The following ITGB3 variants were observed in gnomAD, a reference collection of about 807,000 sequenced individuals.
ITGB3 encodes the protein integrin beta-3.
A neutral mutation model predicts 85.8 loss-of-function variants in ITGB3; 48 were observed. That is an observed-to-expected ratio of 0.56 (90% CI 0.44 to 0.71). ITGB3 has a LOEUF of 0.71. Ranked by LOEUF, ITGB3 falls within the 30% of genes least tolerant of loss-of-function variation. The pLI is 0.00. For synonymous variants in ITGB3, 363 were observed against 395.6 expected, an observed-to-expected ratio of 0.92 and a Z score of 0.98; for missense variants, 861 against 1,019.1, an observed-to-expected ratio of 0.84 and a Z score of 2.11.
intron 1 of ITGB3, 125 bp downstream of exon 1, chr17:47,254,065 G>C (rs1389272977): frequency 3.5e-6 from 2 of 563,716 alleles, no homozygotes; most frequent in African/African-American, 2.0e-5. Context: ...GAATGCGCGT[G>C]TCCTGGCTGG....
intron 10 of ITGB3, among the ~76,000 whole-genome samples, chr17:47,293,232 A>G (rs1450517928): frequency 6.6e-6 from 1 of 152,092 alleles, no homozygotes; most frequent in Non-Finnish European, 1.5e-5. Context: ...AAGTCCTTCT[A>G]CTCAGCAGGG....
intron 2 of ITGB3, among the ~76,000 whole-genome samples, chr17:47,282,316 C>T (rs970291049): frequency 1.8e-4 from 28 of 152,188 alleles, no homozygotes; most frequent in African/African-American, 6.8e-4. Context: ...TGAAACCCCT[C>T]ACCACCATCT....
Position 47,291,032 on chromosome 17 carries a change from A to G in ITGB3, c.1204A>G (p.Asn402Asp). ...LSLSFNATCL[N>D]NEVIPGLKSC... Reference sequence around the variant, plus strand: ...TCTATCCTTCAATGCCACCTGCCTCAACAATGAGGTCATCCCTGGCCTCAA... The same window carrying G: ...TCTATCCTTCAATGCCACCTGCCTCGACAATGAGGTCATCCCTGGCCTCAA... The change falls in exon 9 of 15, where the codon AAC becomes GAC. Residue 402 changes from asparagine (N) to aspartate (D), a missense_variant. Coordinates refer to ENST00000559488, the MANE Select transcript of ITGB3 (RefSeq NM_000212.3). 1 of 1,614,178 alleles carries G rather than the reference A, an allele frequency of 6.2e-7. No homozygotes were observed. The highest frequency in any genetic ancestry group is 8.5e-7 in the Non-Finnish European group (1 of 1,180,042).
Position 47,300,511 on chromosome 17 carries a change from A to G in ITGB3, c.1947A>G (p.Gly649=). 1 of 1,614,016 alleles carries G rather than the reference A, an allele frequency of 6.2e-7. No homozygotes were observed. The highest frequency in any genetic ancestry group is 1.1e-5 in the South Asian group (1 of 91,072). ...ECVECKKFDR[G]ALHDENTCNR... is the part of the protein sequence containing the mutation. The stretch of plus-strand genomic sequence containing the variant: ...TGGAGTGTAAGAAGTTTGACCGGGG[A>G]GCCCTACATGACGAAAATACCTGCA... The change falls in exon 12 of 15, where the codon GGA becomes GGG. Residue 649 remains glycine, a synonymous_variant. Transcript: ENST00000559488.
intron 1 of ITGB3, among the ~76,000 whole-genome samples, chr17:47,272,246 G>A (rs1346774263): frequency 1.3e-5 from 2 of 151,606 alleles, no homozygotes; most frequent in East Asian, 3.9e-4. Flanking sequence ...AGTAGAGACA[G>A]GGTTTCACTG....
rs1186812287 is a variant in ITGB3, at chr17:47,285,332, C to G, written c.614+637C>G. On this transcript the variant is annotated intron_variant, in intron 4 of 14. Transcript: ENST00000559488. ...TACTTTTTAGTTTTCAAAGTTACGG[C>G]CAGGTGGGGTGACTCACTTCTGTAA... 5.9e-5 allele frequency among the ~76,000 whole-genome samples: 9 copies of G among 152,140 alleles called. No homozygotes were observed. The East Asian group carries it at 1.7e-3, about 29-fold the overall frequency.
At chr17:47,309,133 C>T (rs2065203073) in intron 14 of ITGB3, among the ~76,000 whole-genome samples, 1 of 151,458 alleles carries the variant, frequency 6.6e-6, no homozygotes, top group South Asian at 2.1e-4. Flanking sequence ...ATGCAGCCTC[C>T]ATCTCCTGGG....
chr17:47,266,450 C>T (rs904628076), intron 1 of ITGB3, among the ~76,000 whole-genome samples: 5 of 152,216 alleles, frequency 3.3e-5, no homozygotes, highest in African/African-American at 7.2e-5. Context: ...TTCCTTTGTT[C>T]TTCCATTTTT....
intron 1 of ITGB3, among the ~76,000 whole-genome samples, chr17:47,271,981 C>T (rs1415272119): frequency 3.3e-5 from 5 of 151,608 alleles, no homozygotes; most frequent in Non-Finnish European, 7.4e-5. Context: ...TCTTGAACTC[C>T]TGACCTCAGG....
chr17:47,256,079 TA>T (rs1481588164), intron 1 of ITGB3, among the ~76,000 whole-genome samples: 1 of 152,206 alleles, frequency 6.6e-6, no homozygotes, highest in African/African-American at 2.4e-5. Context: ...TTGCTGTCAT[TA>T]AAAAATTTTC....
intron 10 of ITGB3, among the ~76,000 whole-genome samples, chr17:47,298,333 G>A (rs2065153310): frequency 6.6e-6 from 1 of 151,970 alleles, no homozygotes; most frequent in Non-Finnish European, 1.5e-5. Flanking sequence ...TTTTCTCTAT[G>A]GCATTCATGG....
chr17:47,301,005 C>T (rs1567769154), intron 12 of ITGB3, among the ~76,000 whole-genome samples: 1 of 152,104 alleles, frequency 6.6e-6, no homozygotes, highest in Non-Finnish European at 1.5e-5. Context: ...TATGCAGTGC[C>T]CAAGATTTTG....
chr17:47,264,599 C>A (rs1319302322), intron 1 of ITGB3, among the ~76,000 whole-genome samples: 1 of 152,204 alleles, frequency 6.6e-6, no homozygotes, highest in Non-Finnish European at 1.5e-5. Flanking sequence ...GCCACACTCT[C>A]TACCATGGCC....
chr17:47,267,837 A>C (rs1178723014), intron 1 of ITGB3, among the ~76,000 whole-genome samples: 2 of 152,202 alleles, frequency 1.3e-5, no homozygotes, highest in African/African-American at 2.4e-5. Flanking sequence ...GACTGGGAAA[A>C]GTCCTAAAAA....
chr17:47,274,821 T>G (rs1449526167), intron 2 of ITGB3, among the ~76,000 whole-genome samples: 1 of 152,190 alleles, frequency 6.6e-6, no homozygotes, highest in Non-Finnish European at 1.5e-5. Flanking sequence ...TTATTTTAAA[T>G]TTTTTGGTAG....
chr17:47,272,762 CCTTT>C (rs1269595224), intron 1 of ITGB3, among the ~76,000 whole-genome samples: 3 of 130,134 alleles, frequency 2.3e-5, no homozygotes, highest in Non-Finnish European at 4.9e-5. Context: ...CTCCTTCCTT[CCTTT>C]CTTTCTTTCC....
chr17:47,274,576 G>T, intron 2 of ITGB3, 72 bp downstream of exon 2: 2 of 1,288,218 alleles, frequency 1.6e-6, no homozygotes, highest in East Asian at 2.3e-5. Context: ...GACCCATGAA[G>T]TTATCACCTC....
intron 1 of ITGB3, among the ~76,000 whole-genome samples, chr17:47,268,151 A>G (rs1055416072): frequency 4.6e-5 from 7 of 151,988 alleles, no homozygotes; most frequent in African/African-American, 1.7e-4. Context: ...TGATTCAATT[A>G]CCTCCCATCA....
rs1366328987 is a variant in ITGB3, at chr17:47,299,682, A to G, written c.1913+152A>G. The G allele has an allele frequency of 5.0e-6, 4 of 807,778 alleles. No homozygotes were observed. In the Admixed American group the frequency reaches 8.2e-5, roughly 17 times the overall value. 50.0% of individuals were successfully genotyped at this position (807,778 alleles called of 1,614,324 possible). A position where few individuals can be genotyped will look rare whatever the true frequency, so the allele number is the denominator to read the frequency against. ...CAGATGGCTGTCTCTCCTTTTGCCAAAGGCTTTGGGCAAGTTGGAATAGAG... is the reference window on the plus strand; with the variant it reads ...CAGATGGCTGTCTCTCCTTTTGCCAGAGGCTTTGGGCAAGTTGGAATAGAG... On this transcript the variant is annotated intron_variant, in intron 11 of 14. Coordinates refer to ENST00000559488, the MANE Select transcript of ITGB3 (RefSeq NM_000212.3). The surrounding 1 kb of genome is among the most constrained non-coding windows in gnomAD (Gnocchi z 5.1).
Sources: gnomAD v4.1 joint callset for allele counts (sites outside exome capture counted in the v4.1 genomes callset) on GRCh38, gnomAD v4.1.1 for gene constraint, Gnocchi (gnomAD v3.1) non-coding constraint, MANE v1.5 for transcripts, NCBI Gene and HGNC (gene_info 2026-07-23, HGNC 2026-07-21) for gene names.